Variants in CCDC60 observed in about 807,000 individuals in gnomAD.
The protein encoded by CCDC60 is coiled-coil domain-containing protein 60.
A neutral mutation model predicts 63.5 loss-of-function variants in CCDC60; 54 were observed. The ratio of observed to expected loss-of-function variants is 0.85; its 90% CI spans 0.68 to 1.07. The LOEUF (loss-of-function observed/expected upper bound fraction) is 1.07. Ranked by LOEUF, CCDC60 falls within the 50% of genes least tolerant of loss-of-function variation. The pLI, the probability that CCDC60 is intolerant of heterozygous loss-of-function variation, is 0.00. For synonymous variants in CCDC60, 206 were observed against 238.8 expected (o/e 0.86, Z 1.27); for missense variants, 651 against 684.3 (o/e 0.95, Z 0.54).
chr12:119,512,591 A>T (rs1193857136), intron 7 of CCDC60, among the ~76,000 whole-genome samples: 1 of 152,190 alleles, frequency 6.6e-6, no homozygotes, highest in East Asian at 1.9e-4. Context: ...TTCTTCCAGA[A>T]CCCCAGAGGA....
At chr12:119,501,617 AGAC>A (rs1379007130) in intron 6 of CCDC60, among the ~76,000 whole-genome samples, 2 of 152,160 alleles carry the variant, frequency 1.3e-5, no homozygotes, top group Non-Finnish European at 2.9e-5. Context: ...CCTAGATTTA[AGAC>A]GAGCCTTGGT....
chr12:119,413,002 G>A (rs775436337), intron 1 of CCDC60, among the ~76,000 whole-genome samples: 1 of 152,058 alleles, frequency 6.6e-6, no homozygotes, highest in Non-Finnish European at 1.5e-5. Flanking sequence ...CAAGGTTCAC[G>A]ATACAGAATA....
At chr12:119,376,627 C>CA (rs1190194132) in intron 1 of CCDC60, among the ~76,000 whole-genome samples, 1 of 151,772 alleles carries the variant, frequency 6.6e-6, no homozygotes, top group Non-Finnish European at 1.5e-5. Context: ...GACTTTGTCT[C>CA]AAAAAAATAA....
intron 1 of CCDC60, among the ~76,000 whole-genome samples, chr12:119,404,156 T>C (rs2136183416): frequency 6.6e-6 from 1 of 152,230 alleles, no homozygotes; most frequent in African/African-American, 2.4e-5. Context: ...TGGGCATGGT[T>C]GCATATGCCT....
chr12:119,533,746 T>C (rs1486319041), intron 13 of CCDC60, among the ~76,000 whole-genome samples: 1 of 152,190 alleles, frequency 6.6e-6, no homozygotes, highest in Non-Finnish European at 1.5e-5. Context: ...TGGTGTTTTT[T>C]CTGAGGCCTC....
At chr12:119,510,551 C>T (rs1177855738) in intron 7 of CCDC60, among the ~76,000 whole-genome samples, 1 of 151,982 alleles carries the variant, frequency 6.6e-6, no homozygotes, top group Non-Finnish European at 1.5e-5. Flanking sequence ...TCACTGTATC[C>T]AGTAGGCCCT....
intron 13 of CCDC60, among the ~76,000 whole-genome samples, chr12:119,534,664 T>C (rs1373947582): frequency 2.6e-5 from 4 of 152,218 alleles, no homozygotes; most frequent in Admixed American, 2.6e-4. Context: ...TCTGCATCTA[T>C]TGAGATAATC....
intron 7 of CCDC60, among the ~76,000 whole-genome samples, chr12:119,513,832 T>C (rs1342899362): frequency 6.6e-6 from 1 of 152,196 alleles, no homozygotes; most frequent in Non-Finnish European, 1.5e-5. Flanking sequence ...TATAACACAA[T>C]TATATACAGT....
At chr12:119,525,835 G>T (rs1952664318) in intron 11 of CCDC60, among the ~76,000 whole-genome samples, 2 of 152,038 alleles carry the variant, frequency 1.3e-5, no homozygotes, top group South Asian at 2.1e-4. Context: ...TGGCTATACT[G>T]CCCAAAGCAA....
chr12:119,397,501 TC>T (rs1956279743), intron 1 of CCDC60, among the ~76,000 whole-genome samples: 1 of 151,584 alleles, frequency 6.6e-6, no homozygotes, highest in Non-Finnish European at 1.5e-5. Flanking sequence ...GTTCTCCAAG[TC>T]CTCACCAGAT....
chr12:119,364,726 G>A (rs962292304), intron 1 of CCDC60, among the ~76,000 whole-genome samples: 8 of 152,276 alleles, frequency 5.3e-5, no homozygotes, highest in East Asian at 1.9e-4. Flanking sequence ...CACAGACTCC[G>A]CTGGGAACAG....
chr12:119,490,145 A>ATG (rs1951550526), intron 5 of CCDC60, among the ~76,000 whole-genome samples: 1 of 152,070 alleles, frequency 6.6e-6, no homozygotes, highest in African/African-American at 2.4e-5. Flanking sequence ...TTTATTACCC[A>ATG]TCCCCTAGAT....
chr12:119,414,740 A>T (rs1238836725), intron 1 of CCDC60, among the ~76,000 whole-genome samples: 3 of 151,924 alleles, frequency 2.0e-5, no homozygotes, highest in Non-Finnish European at 2.9e-5. Flanking sequence ...TTGTAGAGAG[A>T]GAGGTCTCAC....
intron 11 of CCDC60, among the ~76,000 whole-genome samples, 195 bp from the exon 12 acceptor site, chr12:119,528,420 G>A (rs1457784666): frequency 6.6e-6 from 1 of 152,170 alleles, no homozygotes; most frequent in Non-Finnish European, 1.5e-5. Context: ...CTGTGCTTAA[G>A]TAGTGCTTCA....
chr12:119,413,258 T>C (rs1197271666), intron 1 of CCDC60, among the ~76,000 whole-genome samples: 5 of 152,180 alleles, frequency 3.3e-5, no homozygotes, highest in African/African-American at 1.2e-4. Context: ...TGGGGGCTCA[T>C]TGATGCTGGC....
intron 1 of CCDC60, among the ~76,000 whole-genome samples, chr12:119,358,622 C>T (rs547802937): frequency 1.8e-4 from 27 of 152,296 alleles, no homozygotes; most frequent in African/African-American, 6.0e-4. Context: ...CAATGGTAAC[C>T]ACCATCCTGA....
intron 1 of CCDC60, among the ~76,000 whole-genome samples, chr12:119,393,111 T>A (rs1019836530): frequency 3.3e-5 from 5 of 152,074 alleles, no homozygotes; most frequent in African/African-American, 1.2e-4. Context: ...CTGCAGTGAG[T>A]TGTAATTGCA....
At chr12:119,528,311 G>T (rs1227525283) in intron 11 of CCDC60, among the ~76,000 whole-genome samples, 2 of 152,014 alleles carry the variant, frequency 1.3e-5, no homozygotes, top group South Asian at 2.1e-4. Flanking sequence ...CTGGAAAATA[G>T]GAATCATTAT....
chr12:119,372,915 G>A (rs919426671), intron 1 of CCDC60, among the ~76,000 whole-genome samples: 8 of 152,124 alleles, frequency 5.3e-5, no homozygotes, highest in African/African-American at 1.2e-4. Context: ...GCATAATGTC[G>A]TGGATATTAT....
Sources: allele counts gnomAD v4.1 joint callset (sites outside exome capture counted in the v4.1 genomes callset), GRCh38; gene constraint gnomAD v4.1.1; transcripts MANE v1.5; gene names NCBI Gene and HGNC (gene_info 2026-07-23, HGNC 2026-07-21).